Variants in WSCD2 observed in about 807,000 individuals in gnomAD.
WSCD2 encodes the protein WSC domain sialate O sulfotransferase 2.
WSCD2 carries 28 observed loss-of-function variants against 55.7 expected under a neutral mutation model. The observed-to-expected ratio is 0.50, with a 90% CI of 0.37 to 0.69. The LOEUF (loss-of-function observed/expected upper bound fraction) is 0.69, where lower values mean the gene tolerates loss of function less well. Ranked by LOEUF, WSCD2 falls within the 30% of genes least tolerant of loss-of-function variation. The pLI is 0.00. For missense variants in WSCD2, 616 were observed against 762.1 expected, an observed-to-expected ratio of 0.81 and a Z score of 2.26; for synonymous variants, 301 against 301.9, an observed-to-expected ratio of 1.00 and a Z score of 0.03.
chr12:108,192,390 T>C (rs1469511365), intron 1 of WSCD2, among the ~76,000 whole-genome samples: 1 of 152,144 alleles, frequency 6.6e-6, no homozygotes, highest in East Asian at 1.9e-4. Flanking sequence ...CCAGGTCTGT[T>C]TGCCTGTGGA....
intron 1 of WSCD2, among the ~76,000 whole-genome samples, chr12:108,164,689 GACA>G (rs1565927437): frequency 6.6e-6 from 1 of 152,126 alleles, no homozygotes. Context: ...CGCTTCAGTG[GACA>G]ACACCAGTCT....
intron 1 of WSCD2, among the ~76,000 whole-genome samples, chr12:108,192,528 A>G (rs1489034739): frequency 6.6e-6 from 1 of 152,196 alleles, no homozygotes; most frequent in Non-Finnish European, 1.5e-5. Context: ...TGGCACGACC[A>G]TGAAACCTCA....
rs371095870 is a variant in WSCD2, at chr12:108,206,403, G to A, written c.497G>A (p.Arg166Gln). Residue 166 changes from arginine to glutamine, a missense_variant and splice_region_variant, in exon 3 of 9, where the codon CGG becomes CAG. By Grantham distance (43) the Arg-to-Gln change is conservative. Transcript: ENST00000547525. ...IFRCQDNCAE[R>Q]GYLYGGLEFG... The stretch of plus-strand genomic sequence containing the variant: ...CGTTGCCAGGACAACTGTGCTGAAC[G>A]GTAGGGTCCCAGCATCCCAGACTTG... 5.6e-6 allele frequency: 9 copies of A among 1,613,904 alleles called. No individual in the cohort carries two copies. The highest frequency in any genetic ancestry group is 1.3e-5 in the African/African-American group (1 of 74,930).
In WSCD2 at chr12:108,144,716, G is replaced by C. The variant is rs1592879241; in HGVS notation, c.-552+14790G>C. 3.3e-5 allele frequency among the ~76,000 whole-genome samples: 5 copies of C among 152,286 alleles called. 1 individual carries two copies. The highest frequency in any genetic ancestry group is 3.3e-4 in the Admixed American group (5 of 15,298). ...TGTAAAACTGCAGCCCCAGCAGCCTGGTGAAAGGGAGTGAGATAATGATGC... is the reference window on the plus strand; with the variant it reads ...TGTAAAACTGCAGCCCCAGCAGCCTCGTGAAAGGGAGTGAGATAATGATGC... On this transcript the variant is annotated intron_variant, in intron 1 of 8. Transcript: ENST00000547525.
intron 1 of WSCD2, among the ~76,000 whole-genome samples, chr12:108,140,775 C>T (rs1017429976): frequency 5.3e-5 from 8 of 152,198 alleles, no homozygotes; most frequent in Non-Finnish European, 1.2e-4. Flanking sequence ...GATCACTGTC[C>T]CTGTGAGTGT....
chr12:108,231,030 A>G (rs1888693906), intron 6 of WSCD2, among the ~76,000 whole-genome samples: 1 of 152,152 alleles, frequency 6.6e-6, no homozygotes, highest in South Asian at 2.1e-4. Flanking sequence ...AATGTGATTG[A>G]GCCAGCTGAG....
At chr12:108,192,486 C>A (rs528393944) in intron 1 of WSCD2, among the ~76,000 whole-genome samples, 2 of 152,290 alleles carry the variant, frequency 1.3e-5, no homozygotes, top group African/African-American at 4.8e-5. Context: ...TTTTCTCATC[C>A]CATCCCAGCT....
chr12:108,193,586 C>A (rs1193895309), intron 1 of WSCD2, among the ~76,000 whole-genome samples: 1 of 141,484 alleles, frequency 7.1e-6, no homozygotes, highest in Non-Finnish European at 1.5e-5. Context: ...AGGTGAACTG[C>A]CGGAAGGCAA....
chr12:108,242,599 G>A (rs1889840339), intron 8 of WSCD2, among the ~76,000 whole-genome samples: 1 of 152,132 alleles, frequency 6.6e-6, no homozygotes, highest in African/African-American at 2.4e-5. Flanking sequence ...GTGGAGCCTG[G>A]ACATCAGTAT....
rs115578366 is a variant in WSCD2, at chr12:108,211,667, T to A, written c.682+1362T>A. ...TATATATATACATATATATATATAT[T>A]TTTTGAGACAGAGCCTCACACTGTT... On this transcript the variant is annotated intron_variant, in intron 4 of 8. Coordinates refer to ENST00000547525, the MANE Select transcript of WSCD2 (RefSeq NM_014653.4). Among the ~76,000 whole-genome samples the A allele has an allele frequency of 5.8e-3, 832 of 143,062 alleles. 13 individuals are homozygous for A. The highest frequency in any genetic ancestry group is 0.022 in the African/African-American group (784 of 35,632). The allele number at this position is 143,062 out of a possible 152,430, so 93.9% of individuals were successfully genotyped here. A position where few individuals can be genotyped will look rare whatever the true frequency, so the allele number is the denominator to read the frequency against.
At chr12:108,205,080 G>A (rs1885163081) in intron 2 of WSCD2, among the ~76,000 whole-genome samples, 1 of 152,162 alleles carries the variant, frequency 6.6e-6, no homozygotes, top group Non-Finnish European at 1.5e-5. Context: ...GTCTTAGGGA[G>A]GCCACTTCAC....
intron 6 of WSCD2, among the ~76,000 whole-genome samples, chr12:108,232,422 T>G (rs1888869293): frequency 6.6e-6 from 1 of 152,158 alleles, no homozygotes; most frequent in Non-Finnish European, 1.5e-5. Flanking sequence ...AAACTGGGGC[T>G]GGAGAGAAGA....
At chr12:108,166,550 G>A (rs7976025) in intron 1 of WSCD2, among the ~76,000 whole-genome samples, 98,053 of 151,890 alleles carry the variant, frequency 0.65, 34,345 homozygotes, top group East Asian at 0.91. Context: ...TCATTGGCTC[G>A]CAGGCACAGA....
chr12:108,147,630 A>G (rs1877538967), intron 1 of WSCD2, among the ~76,000 whole-genome samples: 2 of 152,078 alleles, frequency 1.3e-5, no homozygotes, highest in Admixed American at 1.3e-4. Flanking sequence ...TAATTCCAGC[A>G]CTTTGGGAGG....
At chr12:108,197,081 G>A (rs553166280) in intron 2 of WSCD2, 17 of 152,258 alleles carry the variant, frequency 1.1e-4, no homozygotes, top group African/African-American at 3.9e-4. Flanking sequence ...GCATGCTAGG[G>A]AGGAACCCAC....
intron 1 of WSCD2, among the ~76,000 whole-genome samples, chr12:108,181,539 C>T (rs996301434): frequency 6.6e-6 from 1 of 152,114 alleles, no homozygotes; most frequent in African/African-American, 2.4e-5. Flanking sequence ...TGAGAGGTGG[C>T]ATGATGGCAC....
chr12:108,192,350 C>G (rs1883289883), intron 1 of WSCD2, among the ~76,000 whole-genome samples: 3 of 152,170 alleles, frequency 2.0e-5, no homozygotes, highest in African/African-American at 7.2e-5. Context: ...AGTCACTCAC[C>G]TGGGGTAATG....
chr12:108,145,125 C>A (rs1442619925), intron 1 of WSCD2, among the ~76,000 whole-genome samples: 1 of 152,210 alleles, frequency 6.6e-6, no homozygotes, highest in Non-Finnish European at 1.5e-5. Context: ...TTGTTTCCCC[C>A]AGCTCCTTAA....
intron 7 of WSCD2, among the ~76,000 whole-genome samples, chr12:108,238,709 T>G (rs921377326): frequency 3.9e-5 from 6 of 152,152 alleles, no homozygotes; most frequent in Admixed American, 3.3e-4. Flanking sequence ...CCAGAATGAC[T>G]CATTGGGTTG....
Sources: gnomAD v4.1 joint callset for allele counts (sites outside exome capture counted in the v4.1 genomes callset) on GRCh38, gnomAD v4.1.1 for gene constraint, MANE v1.5 for transcripts, NCBI Gene and HGNC (gene_info 2026-07-23, HGNC 2026-07-21) for gene names.